Variants in TMEM132B observed in about 807,000 individuals in gnomAD.
The protein encoded by TMEM132B is transmembrane protein 132B.
Under a neutral mutation model 90.8 loss-of-function variants are expected in TMEM132B, and 18 were observed. The ratio of observed to expected loss-of-function variants is 0.20; its 90% CI spans 0.14 to 0.29. The LOEUF (loss-of-function observed/expected upper bound fraction) is 0.29, where lower values mean the gene tolerates loss of function less well. Among genes scored for constraint, TMEM132B ranks in the 10% least tolerant of loss-of-function variants. The probability of loss-of-function intolerance (pLI) is 1.00; values close to 1 mark genes in which losing one functional copy is unlikely to be tolerated. For synonymous variants in TMEM132B, 504 were observed against 523.3 expected, an observed-to-expected ratio of 0.96 and a Z score of 0.50; for missense variants, 1,096 against 1,326.8, an observed-to-expected ratio of 0.83 and a Z score of 2.70.
At chr12:125,342,547 TAGAGGCAAC>T (rs1258112165) in intron 1 of TMEM132B, among the ~76,000 whole-genome samples, 2 of 152,346 alleles carry the variant, frequency 1.3e-5, no homozygotes, top group East Asian at 3.9e-4. Flanking sequence ...TAAGGGAAGA[TAGAGGCAAC>T]TGCAAGGCTG....
intron 1 of TMEM132B, among the ~76,000 whole-genome samples, chr12:125,317,127 C>T (rs1450965479): frequency 6.6e-6 from 1 of 152,158 alleles, no homozygotes; most frequent in Admixed American, 6.5e-5. Flanking sequence ...ATCAGCCTGG[C>T]AGAGACTCCC....
chr12:125,399,458 A>AGTGT lies in TMEM132B; in HGVS notation c.960-16052_960-16049dup, dbSNP rs139362756. Among the ~76,000 whole-genome samples, 72 of 132,716 alleles carry AGTGT rather than the reference A, an allele frequency of 5.4e-4. 1 individual carries two copies. The highest frequency in any genetic ancestry group is 9.6e-4 in the African/African-American group (34 of 35,566). 87.1% of individuals were successfully genotyped at this position (132,716 alleles called of 152,430 possible). On this transcript the variant is annotated intron_variant, in intron 2 of 8. Coordinates refer to ENST00000682704, the MANE Select transcript of TMEM132B (RefSeq NM_001366854.1). ...TTGCTGTGGAAGATGTGAAGAAGGA[A>AGTGT]GTGTGTGTGTGTGTGTGTGTGTGTA... is the stretch of plus-strand genomic sequence containing the variant.
intron 4 of TMEM132B, among the ~76,000 whole-genome samples, chr12:125,543,010 C>A (rs1883994196): frequency 6.6e-6 from 1 of 152,074 alleles, no homozygotes; most frequent in Non-Finnish European, 1.5e-5. Context: ...GGAAGGTGAT[C>A]CCAGAATATG....
intron 3 of TMEM132B, among the ~76,000 whole-genome samples, chr12:125,436,856 G>A (rs1172178815): frequency 6.6e-6 from 1 of 152,160 alleles, no homozygotes; most frequent in East Asian, 1.9e-4. Context: ...TGGCTGGCAT[G>A]GTTCCAGCCC....
intron 5 of TMEM132B, among the ~76,000 whole-genome samples, chr12:125,619,373 T>C (rs1224315512): frequency 2.2e-5 from 2 of 91,586 alleles, no homozygotes; most frequent in African/African-American, 4.4e-5. Flanking sequence ...TATTTATTTA[T>C]TTATTTATTG....
At chr12:125,566,958 C>T (rs940284247) in intron 4 of TMEM132B, among the ~76,000 whole-genome samples, 1 of 150,958 alleles carries the variant, frequency 6.6e-6, no homozygotes, top group Admixed American at 6.6e-5. Flanking sequence ...ATTCTCCTGC[C>T]TCAGCCTCCA....
chr12:125,466,884 T>C (rs1336748385), intron 3 of TMEM132B, among the ~76,000 whole-genome samples: 1 of 152,110 alleles, frequency 6.6e-6, no homozygotes, highest in African/African-American at 2.4e-5. Context: ...GAGCTCAGAG[T>C]CAGGTGGAGG....
At chr12:125,405,128 A>T (rs1391752098) in intron 2 of TMEM132B, among the ~76,000 whole-genome samples, 1 of 152,164 alleles carries the variant, frequency 6.6e-6, no homozygotes, top group Non-Finnish European at 1.5e-5. Context: ...AAACAACAGA[A>T]ATTTATTCTC....
chr12:125,190,010 T>A (rs1447059834), intron 1 of TMEM132B, among the ~76,000 whole-genome samples: 1 of 152,122 alleles, frequency 6.6e-6, no homozygotes, highest in Non-Finnish European at 1.5e-5. Flanking sequence ...GTACCGTGGG[T>A]GACGGGGGTG....
chr12:125,344,060 G>A (rs770569851), intron 1 of TMEM132B, among the ~76,000 whole-genome samples: 1 of 152,156 alleles, frequency 6.6e-6, no homozygotes, highest in Non-Finnish European at 1.5e-5. Context: ...AGATTGTGCC[G>A]TAAACTGGAC....
intron 4 of TMEM132B, among the ~76,000 whole-genome samples, chr12:125,581,673 A>C (rs1245028330): frequency 6.6e-6 from 1 of 152,158 alleles, no homozygotes; most frequent in Non-Finnish European, 1.5e-5. Flanking sequence ...CATTAGACAA[A>C]ATCAATGCCT....
rs1877496071 is a variant in TMEM132B at position 125,349,768 on chromosome 12, C to T, written c.384C>T (p.His128=). Residue 128 remains histidine (H), a synonymous_variant, in exon 2 of 9, where the codon CAC becomes CAT. Transcript: ENST00000682704. This position sits in a 1 kb window ranked among gnomAD's most constrained non-coding sequence, Gnocchi z 4.1. ...KFPFNWKLKS[H]ILDSSIYSNR... The stretch of plus-strand genomic sequence containing the variant: ...CCTTCAACTGGAAATTGAAATCCCA[C>T]ATCCTTGACAGCTCCATCTACTCCA... 8 of 1,614,262 alleles carry T rather than the reference C, an allele frequency of 5.0e-6. No homozygotes were observed. Among genetic ancestry groups the T allele is most frequent in the Non-Finnish European group, 6.8e-6 (8 of 1,180,050 alleles).
chr12:125,521,264 A>C (rs1333727728), intron 4 of TMEM132B, among the ~76,000 whole-genome samples: 4 of 149,822 alleles, frequency 2.7e-5, no homozygotes, highest in Admixed American at 6.6e-5. Flanking sequence ...TCTCTTTCTC[A>C]TTCTCCTTCT....
chr12:125,568,513 G>C (rs1035044162), intron 4 of TMEM132B, among the ~76,000 whole-genome samples: 1 of 152,072 alleles, frequency 6.6e-6, no homozygotes, highest in Non-Finnish European at 1.5e-5. Context: ...TATCAGCCTC[G>C]TCAGATGGAG....
chr12:125,355,577 T>C (rs1480632317), intron 2 of TMEM132B, among the ~76,000 whole-genome samples: 1 of 152,208 alleles, frequency 6.6e-6, no homozygotes, highest in Non-Finnish European at 1.5e-5. Flanking sequence ...TTGTTATATG[T>C]TGTCTGGCCG....
chr12:125,346,498 T>C (rs373605458), intron 1 of TMEM132B, among the ~76,000 whole-genome samples: 1 of 152,238 alleles, frequency 6.6e-6, no homozygotes, highest in East Asian at 1.9e-4. Flanking sequence ...ACGGTGTTCC[T>C]GTTGCCAAGT....
At chr12:125,571,871 G>T (rs1884804897) in intron 4 of TMEM132B, among the ~76,000 whole-genome samples, 2 of 152,168 alleles carry the variant, frequency 1.3e-5, no homozygotes, top group Admixed American at 6.5e-5. Context: ...GTGTTATCTT[G>T]TTCCCAGACC....
intron 4 of TMEM132B, among the ~76,000 whole-genome samples, chr12:125,555,522 T>C (rs912781466): frequency 1.6e-5 from 2 of 127,452 alleles, no homozygotes; most frequent in Admixed American, 1.8e-4. Context: ...TTTGGAGAGG[T>C]TAAGTGCAGG....
At chr12:125,256,110 A>C (rs1381098801) in intron 1 of TMEM132B, among the ~76,000 whole-genome samples, 1 of 152,168 alleles carries the variant, frequency 6.6e-6, no homozygotes, top group East Asian at 1.9e-4. Flanking sequence ...CAAACTCTGA[A>C]GATCTTGCTG....
Sources: allele counts gnomAD v4.1 joint callset (sites outside exome capture counted in the v4.1 genomes callset), GRCh38; gene constraint gnomAD v4.1.1; non-coding constraint Gnocchi (gnomAD v3.1); transcripts MANE v1.5; gene names NCBI Gene and HGNC (gene_info 2026-07-23, HGNC 2026-07-21).